Variants in RIT2 observed in about 807,000 individuals in gnomAD.
RIT2 encodes the protein GTP-binding protein Rit2.
RIT2 carries 24 observed loss-of-function variants against 23.7 expected under a neutral mutation model. The ratio of observed to expected loss-of-function variants is 1.01; its 90% CI spans 0.73 to 1.43. The LOEUF is 1.43. Among genes scored for constraint, RIT2 ranks in the 40% most tolerant of loss-of-function variants. The pLI, the probability that RIT2 is intolerant of heterozygous loss-of-function variation, is 0.00. For synonymous variants in RIT2, 107 were observed against 91.1 expected (o/e 1.17, Z -0.99); for missense variants, 236 against 266.9 (o/e 0.88, Z 0.81).
chr18:42,839,057 T>C (rs565535940), intron 4 of RIT2, among the ~76,000 whole-genome samples: 1 of 152,222 alleles, frequency 6.6e-6, no homozygotes, highest in African/African-American at 2.4e-5. Flanking sequence ...TGACAGAAAG[T>C]TAGTAAACAT....
At chr18:42,927,882 C>G (rs768555576) in intron 3 of RIT2, among the ~76,000 whole-genome samples, 1 of 151,830 alleles carries the variant, frequency 6.6e-6, no homozygotes, top group Non-Finnish European at 1.5e-5. Flanking sequence ...TTTGATGTAT[C>G]TCATATTCCA....
intron 2 of RIT2, among the ~76,000 whole-genome samples, chr18:43,026,540 A>G (rs1460241933): frequency 2.1e-5 from 3 of 146,216 alleles, no homozygotes; most frequent in Non-Finnish European, 3.0e-5. Flanking sequence ...GCAACAGAGT[A>G]AGACTCTGTC....
At chr18:42,975,443 T>C (rs541981712) in intron 2 of RIT2, among the ~76,000 whole-genome samples, 1 of 152,182 alleles carries the variant, frequency 6.6e-6, no homozygotes. Context: ...TTGAGGAATT[T>C]TGCATATGGA....
intron 1 of RIT2, among the ~76,000 whole-genome samples, chr18:43,080,267 T>C (rs1913125733): frequency 6.6e-6 from 1 of 152,222 alleles, no homozygotes; most frequent in Non-Finnish European, 1.5e-5. Context: ...TTTCTTCCCA[T>C]TCTAATGATG....
intron 4 of RIT2, among the ~76,000 whole-genome samples, chr18:42,881,300 C>T (rs1464946721): frequency 6.6e-6 from 1 of 152,196 alleles, no homozygotes; most frequent in Admixed American, 6.5e-5. Flanking sequence ...TTTGCTATCT[C>T]AATTTTTATT....
chr18:42,997,027 C>T (rs909981731), intron 2 of RIT2, among the ~76,000 whole-genome samples: 15 of 152,140 alleles, frequency 9.9e-5, no homozygotes, highest in African/African-American at 3.6e-4. Context: ...CACCTTTAAA[C>T]ATCTGGTCTC....
At chr18:42,904,778 T>A (rs1447969640) in intron 4 of RIT2, among the ~76,000 whole-genome samples, 3 of 151,974 alleles carry the variant, frequency 2.0e-5, no homozygotes, top group African/African-American at 7.3e-5. Flanking sequence ...AGGCAGATAA[T>A]AATAGAAATT....
chr18:42,819,808 T>C (rs746905291), intron 4 of RIT2, among the ~76,000 whole-genome samples: 3 of 151,974 alleles, frequency 2.0e-5, no homozygotes, highest in Non-Finnish European at 2.9e-5. Context: ...CAAAAAACAA[T>C]GGATGTTTTC....
At chr18:42,803,134 G>A (rs1002722656) in intron 4 of RIT2, among the ~76,000 whole-genome samples, 4 of 152,072 alleles carry the variant, frequency 2.6e-5, no homozygotes, top group African/African-American at 9.7e-5. Flanking sequence ...CATCTACTAC[G>A]ATAAAACAAA....
intron 4 of RIT2, among the ~76,000 whole-genome samples, chr18:42,768,575 G>A (rs913822298): frequency 2.0e-5 from 3 of 152,124 alleles, no homozygotes; most frequent in African/African-American, 7.2e-5. Context: ...GTGAAAGAAA[G>A]TAGAGATTTA....
At chr18:42,965,429 C>T (rs1057336852) in intron 3 of RIT2, among the ~76,000 whole-genome samples, 7 of 151,938 alleles carry the variant, frequency 4.6e-5, no homozygotes, top group African/African-American at 1.2e-4. Flanking sequence ...ACAACTGTAC[C>T]GTAGTTATGG....
chr18:43,025,270 G>A (rs1911689378), intron 2 of RIT2, among the ~76,000 whole-genome samples: 2 of 150,208 alleles, frequency 1.3e-5, no homozygotes, highest in African/African-American at 2.4e-5. Context: ...TAGGCAAATA[G>A]CAGATCTTGG....
intron 1 of RIT2, among the ~76,000 whole-genome samples, chr18:43,035,812 G>C (rs1289739197): frequency 6.6e-6 from 1 of 152,148 alleles, no homozygotes; most frequent in Non-Finnish European, 1.5e-5. Context: ...AGTGCTTGCT[G>C]TATTTTGGAA....
At chr18:42,779,897 T>G (rs1216226528) in intron 4 of RIT2, among the ~76,000 whole-genome samples, 1 of 152,078 alleles carries the variant, frequency 6.6e-6, no homozygotes, top group Admixed American at 6.6e-5. Flanking sequence ...GATCTTGGAT[T>G]TTTTATACAT....
intron 1 of RIT2, among the ~76,000 whole-genome samples, chr18:43,071,226 T>G (rs58016306): frequency 0.011 from 1,625 of 152,274 alleles, 30 homozygotes; most frequent in African/African-American, 0.038. Flanking sequence ...TCCTGAATAT[T>G]CTCCCTTTTC....
At chr18:43,023,020 A>G (rs1371616818) in intron 2 of RIT2, among the ~76,000 whole-genome samples, 1 of 152,088 alleles carries the variant, frequency 6.6e-6, no homozygotes, top group African/African-American at 2.4e-5. Context: ...TTGCAAGACC[A>G]ATGCAGTCGT....
At chr18:42,920,011 C>T (rs536833064) in intron 4 of RIT2, among the ~76,000 whole-genome samples, 218 of 152,202 alleles carry the variant, frequency 1.4e-3, no homozygotes, top group African/African-American at 5.0e-3. Flanking sequence ...TAAAACACAA[C>T]TTTCCAGTAA....
At chr18:43,020,051 TG>T (rs1188410261) in intron 2 of RIT2, among the ~76,000 whole-genome samples, 1 of 151,878 alleles carries the variant, frequency 6.6e-6, no homozygotes, top group African/African-American at 2.4e-5. Flanking sequence ...AAAAAACAAA[TG>T]GGAAGACATT....
intron 1 of RIT2, among the ~76,000 whole-genome samples, chr18:43,049,108 GAA>G (rs1912317974): frequency 6.6e-6 from 1 of 152,092 alleles, no homozygotes. Context: ...CTCTCTGGAG[GAA>G]AAGTTAAGTG....
Sources: allele counts gnomAD v4.1 joint callset (sites outside exome capture counted in the v4.1 genomes callset), GRCh38; gene constraint gnomAD v4.1.1; transcripts MANE v1.5; gene names NCBI Gene and HGNC (gene_info 2026-07-23, HGNC 2026-07-21).